Variants in NEMP2 observed in about 807,000 individuals in gnomAD.
NEMP2 encodes the protein UPF0571 transmembrane protein.
A neutral mutation model predicts 54.2 loss-of-function variants in NEMP2; 53 were observed. The observed-to-expected ratio is 0.98, with a 90% CI of 0.78 to 1.23. The LOEUF (loss-of-function observed/expected upper bound fraction) is 1.23. Ranked by LOEUF, NEMP2 falls within the 50% of genes most tolerant of loss-of-function variation. The pLI, the probability that NEMP2 is intolerant of heterozygous loss-of-function variation, is 0.00. For synonymous variants in NEMP2, 197 were observed against 190.3 expected (o/e 1.04, Z -0.29); for missense variants, 455 against 511.3 (o/e 0.89, Z 1.06).
the NEMP2 span, among the ~76,000 whole-genome samples, chr2:190,647,846 C>A: frequency 6.6e-6 from 1 of 151,738 alleles, no homozygotes; most frequent in Non-Finnish European, 1.5e-5. Context: ...TCCCAAGCAG[C>A]TGGGATGTCA....
the NEMP2 span, chr2:190,568,030 C>G: frequency 2.6e-5 from 4 of 152,152 alleles, no homozygotes; most frequent in African/African-American, 9.7e-5. The surrounding 1 kb of genome is among the most constrained non-coding windows in gnomAD (Gnocchi z 4.7). Context: ...TAATTTCAAA[C>G]AGAGGAATTC....
At chr2:190,455,223 TTAAG>T in the NEMP2 span, among the ~76,000 whole-genome samples, 2 of 152,100 alleles carry the variant, frequency 1.3e-5, no homozygotes, top group Non-Finnish European at 2.9e-5. Context: ...TTGCTATTTA[TTAAG>T]TTACTATTAA....
At chr2:190,469,855 G>A in the NEMP2 span, 1 of 1,589,326 alleles carries the variant, frequency 6.3e-7, no homozygotes, top group Non-Finnish European at 8.6e-7. This position sits in a 1 kb window ranked among gnomAD's most constrained non-coding sequence, Gnocchi z 5.3. Context: ...AGTTCTTCAA[G>A]GTAAGTTAAC....
chr2:190,435,791 T>G, the NEMP2 span: 3 of 474,416 alleles, frequency 6.3e-6, no homozygotes, highest in Non-Finnish European at 7.3e-6. Flanking sequence ...CCATAAAGAG[T>G]ATTCGATTTT....
At chr2:190,518,874 A>G in intron 3 of NEMP2, 66 bp from the exon 4 acceptor site, 1 of 1,517,010 alleles carries the variant, frequency 6.6e-7, no homozygotes, top group Non-Finnish European at 8.9e-7. Context: ...TGGTAAAAGA[A>G]GAAAAAAGTC....
the NEMP2 span, chr2:190,497,893 C>A: frequency 1.4e-6 from 1 of 708,540 alleles, no homozygotes; most frequent in Non-Finnish European, 2.3e-6. The surrounding 1 kb of genome is among the most constrained non-coding windows in gnomAD (Gnocchi z 5.2). Context: ...AGGGTGTATA[C>A]AAGGTCCCAT....
the NEMP2 span, among the ~76,000 whole-genome samples, chr2:190,465,356 G>C: frequency 6.6e-6 from 1 of 152,194 alleles, no homozygotes; most frequent in African/African-American, 2.4e-5. The surrounding 1 kb of genome is among the most constrained non-coding windows in gnomAD (Gnocchi z 4.6). Context: ...TTCTGAAATA[G>C]GACAGTCATG....
the NEMP2 span, chr2:190,435,870 C>G: frequency 7.4e-6 from 7 of 949,930 alleles, no homozygotes; most frequent in South Asian, 4.2e-5. Context: ...TTCTCTCTTG[C>G]AATTATTATT....
the NEMP2 span, chr2:190,463,800 A>T: frequency 3.5e-6 from 3 of 867,072 alleles, no homozygotes; most frequent in Non-Finnish European, 4.2e-6. The surrounding 1 kb of genome is among the most constrained non-coding windows in gnomAD (Gnocchi z 4.4). Flanking sequence ...AGCCTGGGTA[A>T]CAGAGCAAGA....
the NEMP2 span, among the ~76,000 whole-genome samples, chr2:190,643,949 A>G: frequency 6.6e-6 from 1 of 152,162 alleles, no homozygotes; most frequent in Non-Finnish European, 1.5e-5. Flanking sequence ...AACAAAAAAG[A>G]GAGTTTACTT....
At chr2:190,498,570 T>C in the NEMP2 span, among the ~76,000 whole-genome samples, 2 of 152,212 alleles carry the variant, frequency 1.3e-5, no homozygotes, top group African/African-American at 4.8e-5. This position sits in a 1 kb window ranked among gnomAD's most constrained non-coding sequence, Gnocchi z 5.9. Context: ...TCTTTACTGA[T>C]AACCATATGC....
At chr2:190,543,219 T>C in the NEMP2 span, among the ~76,000 whole-genome samples, 1 of 152,222 alleles carries the variant, frequency 6.6e-6, no homozygotes, top group Non-Finnish European at 1.5e-5. This position sits in a 1 kb window ranked among gnomAD's most constrained non-coding sequence, Gnocchi z 4.7. Context: ...GTGAAAAGGC[T>C]GGCTAGGAGT....
upstream of NEMP2, chr2:190,534,953 G>T (rs1691320696): frequency 1.1e-5 from 3 of 278,316 alleles, no homozygotes; most frequent in Non-Finnish European, 2.0e-5. Flanking sequence ...TCCAGCGCAC[G>T]CGGGGCGTCC....
chr2:190,442,394 C>T, the NEMP2 span, among the ~76,000 whole-genome samples: 2 of 152,026 alleles, frequency 1.3e-5, no homozygotes, highest in Admixed American at 1.3e-4. Flanking sequence ...GATCAGTAAC[C>T]TGAATTTCAT....
chr2:190,588,533 G>A, the NEMP2 span, among the ~76,000 whole-genome samples: 1 of 152,108 alleles, frequency 6.6e-6, no homozygotes, highest in Non-Finnish European at 1.5e-5. This position sits in a 1 kb window ranked among gnomAD's most constrained non-coding sequence, Gnocchi z 5.0. Flanking sequence ...ACCTAGACCT[G>A]TGGGAGGAAA....
the NEMP2 span, among the ~76,000 whole-genome samples, chr2:190,445,457 C>A: frequency 4.3e-4 from 62 of 143,732 alleles, no homozygotes; most frequent in Admixed American, 1.3e-3. Flanking sequence ...GCCCCAATCA[C>A]AAAAAAAAAA....
intron 1 of NEMP2, 100 bp downstream of exon 1, chr2:190,534,459 C>T: frequency 8.0e-7 from 1 of 1,247,952 alleles, no homozygotes; most frequent in Non-Finnish European, 1.0e-6. Flanking sequence ...CCCAGTGGGC[C>T]TCGCGGTGCC....
Position 190,505,490 on chromosome 2 carries a change from G to A in NEMP2, c.*3699C>T, listed in dbSNP as rs1287402572. On this transcript the variant is annotated 3_prime_UTR_variant, in exon 9 of 9. Coordinates refer to ENST00000409150, the MANE Select transcript of NEMP2 (RefSeq NM_001142645.2). This position sits in a 1 kb window ranked among gnomAD's most constrained non-coding sequence, Gnocchi z 5.8. ...ATCAGTCTTTCTTTTTTGGAAAAACGACCAAATCTAAAAAAACAGATGCCT... is the reference window on the plus strand; with the variant it reads ...ATCAGTCTTTCTTTTTTGGAAAAACAACCAAATCTAAAAAAACAGATGCCT... 3 of 151,814 alleles carry A rather than the reference G, an allele frequency of 2.0e-5. No homozygotes were observed. Among genetic ancestry groups the A allele is most frequent in the African/African-American group, 4.8e-5 (2 of 41,396 alleles). The allele number at this position is 151,814 out of a possible 1,614,324, so 9.4% of individuals were successfully genotyped here. A position where few individuals can be genotyped will look rare whatever the true frequency, so the allele number is the denominator to read the frequency against.
In NEMP2 at chr2:190,520,551, C is replaced by T. The variant is rs1413532868; in HGVS notation, c.214-1368G>A. On this transcript the variant is annotated intron_variant, in intron 2 of 8. Transcript: ENST00000409150. The surrounding 1 kb of genome is among the most constrained non-coding windows in gnomAD (Gnocchi z 5.4). ...TACCAACCCCTGCATTTCTCTTTGACTTTGGCTTCTGGCTCACTGTGGCTC... is the reference window on the plus strand; with the variant it reads ...TACCAACCCCTGCATTTCTCTTTGATTTTGGCTTCTGGCTCACTGTGGCTC... Among the ~76,000 whole-genome samples, 1 of 152,200 alleles carries T rather than the reference C, an allele frequency of 6.6e-6. No individual in the cohort carries two copies. Among genetic ancestry groups the T allele is most frequent in the Non-Finnish European group, 1.5e-5 (1 of 68,030 alleles).
Sources: allele counts gnomAD v4.1 joint callset (sites outside exome capture counted in the v4.1 genomes callset), GRCh38; gene constraint gnomAD v4.1.1; non-coding constraint Gnocchi (gnomAD v3.1); transcripts MANE v1.5; gene names NCBI Gene and HGNC (gene_info 2026-07-23, HGNC 2026-07-21).